LAMA2: variants seen among roughly 807,000 people sequenced by gnomAD.
LAMA2 encodes the protein laminin subunit alpha 2.
Under a neutral mutation model 364.8 loss-of-function variants are expected in LAMA2, and 269 were observed. That is an observed-to-expected ratio of 0.74 (90% CI 0.67 to 0.82). The LOEUF is 0.82. Ranked by LOEUF, LAMA2 falls within the 40% of genes least tolerant of loss-of-function variation. The pLI is 0.00. For missense variants in LAMA2, 3,807 were observed against 3,873.2 expected (o/e 0.98, Z 0.45); for synonymous variants, 1,379 against 1,370.6 (o/e 1.01, Z -0.14).
chr6:129,126,986 G>C (rs552371113), intron 4 of LAMA2, among the ~76,000 whole-genome samples: 13 of 152,318 alleles, frequency 8.5e-5, no homozygotes, highest in African/African-American at 3.1e-4. Flanking sequence ...AGGATTGCTT[G>C]AGCCTGGTAG....
At chr6:129,259,662 G>C (rs1008711099) in intron 14 of LAMA2, among the ~76,000 whole-genome samples, 2 of 152,048 alleles carry the variant, frequency 1.3e-5, no homozygotes, top group African/African-American at 4.8e-5. Flanking sequence ...AAAATGTCTA[G>C]TATTTCATAA....
At chr6:129,340,862 A>G (rs938445140) in intron 29 of LAMA2, among the ~76,000 whole-genome samples, 1 of 147,568 alleles carries the variant, frequency 6.8e-6, no homozygotes. Flanking sequence ...AGAGAAAAAG[A>G]AAAGAAAAGA....
intron 1 of LAMA2, among the ~76,000 whole-genome samples, chr6:129,041,810 A>G (rs896799229): frequency 1.3e-5 from 2 of 151,998 alleles, no homozygotes; most frequent in Admixed American, 1.3e-4. Context: ...TAAGACCAGC[A>G]TGGGCAACAT....
chr6:128,992,508 A>G (rs1783669119), intron 1 of LAMA2, among the ~76,000 whole-genome samples: 2 of 152,194 alleles, frequency 1.3e-5, no homozygotes, highest in Admixed American at 6.5e-5. Flanking sequence ...CAAACTAGAA[A>G]TGGTTTGCAA....
intron 40 of LAMA2, among the ~76,000 whole-genome samples, chr6:129,407,841 A>G (rs1189545020): frequency 6.6e-6 from 1 of 152,112 alleles, no homozygotes; most frequent in Non-Finnish European, 1.5e-5. Context: ...GAGATGCCCT[A>G]TGGGATCTCC....
intron 62 of LAMA2, among the ~76,000 whole-genome samples, chr6:129,511,297 C>G (rs373482942): frequency 2.0e-5 from 3 of 152,202 alleles, no homozygotes; most frequent in East Asian, 3.9e-4. Flanking sequence ...TGTCCTCAGC[C>G]GAACTTCCTC....
At chr6:129,276,886 T>C (rs1342701253) in intron 17 of LAMA2, among the ~76,000 whole-genome samples, 1 of 152,152 alleles carries the variant, frequency 6.6e-6, no homozygotes, top group Non-Finnish European at 1.5e-5. Flanking sequence ...TTTCTCTATG[T>C]ATGCATTCAC....
intron 16 of LAMA2, among the ~76,000 whole-genome samples, chr6:129,267,559 T>G (rs1787605406): frequency 1.3e-5 from 2 of 152,040 alleles, no homozygotes; most frequent in African/African-American, 4.8e-5. Flanking sequence ...ACTTTTAAAA[T>G]AGAAAATAAT....
At chr6:129,251,440 G>GCACATATA (rs1413319205) in intron 13 of LAMA2, among the ~76,000 whole-genome samples, 6 of 151,938 alleles carry the variant, frequency 3.9e-5, no homozygotes, top group Admixed American at 1.3e-4. Context: ...TCAATTCAAG[G>GCACATATA]TGTTTGTAAT....
intron 9 of LAMA2, among the ~76,000 whole-genome samples, chr6:129,173,681 A>T (rs915926542): frequency 1.3e-5 from 2 of 152,190 alleles, no homozygotes; most frequent in Non-Finnish European, 2.9e-5. Context: ...AATTGGACAC[A>T]TATTTGTAGG....
At chr6:129,157,469 C>T (rs1296761040) in intron 8 of LAMA2, 7 of 1,598,596 alleles carry the variant, frequency 4.4e-6, no homozygotes, top group Middle Eastern at 2.3e-4. Context: ...CCACCCATGC[C>T]ATGGGTAAAA....
At chr6:129,242,522 G>T (rs1419956708) in intron 12 of LAMA2, among the ~76,000 whole-genome samples, 1 of 151,902 alleles carries the variant, frequency 6.6e-6, no homozygotes, top group Non-Finnish European at 1.5e-5. Context: ...AAAAAATTTT[G>T]AACCCTAGTC....
chr6:129,431,126 C>T (rs147236017), intron 41 of LAMA2, among the ~76,000 whole-genome samples: 57 of 152,030 alleles, frequency 3.7e-4, no homozygotes, highest in African/African-American at 1.3e-3. Context: ...TGGCCAGGTG[C>T]GGTGGCTCGC....
intron 3 of LAMA2, among the ~76,000 whole-genome samples, chr6:129,088,564 G>C (rs1269756828): frequency 1.3e-5 from 2 of 151,168 alleles, no homozygotes; most frequent in African/African-American, 4.9e-5. Context: ...GGCTGGCAGG[G>C]TGGGGGCTGC....
chr6:129,164,891 G>T (rs1779646350), intron 8 of LAMA2, among the ~76,000 whole-genome samples: 1 of 152,222 alleles, frequency 6.6e-6, no homozygotes, highest in Non-Finnish European at 1.5e-5. Flanking sequence ...TTTGATTTTA[G>T]ATTTTTCCAC....
chr6:129,310,057 G>A (rs991014495), intron 22 of LAMA2, among the ~76,000 whole-genome samples: 54 of 151,244 alleles, frequency 3.6e-4, no homozygotes, highest in Admixed American at 1.3e-3. Context: ...CCGCTACCAC[G>A]CCCGGCTAAT....
chr6:129,255,947 A>G (rs938153154), intron 14 of LAMA2, among the ~76,000 whole-genome samples: 1 of 152,114 alleles, frequency 6.6e-6, no homozygotes, highest in African/African-American at 2.4e-5. Flanking sequence ...TTTCCTTCCC[A>G]TTATCTTTGA....
At chr6:129,098,519 T>A (rs1049993622) in intron 4 of LAMA2, 104 bp downstream of exon 4, 175 of 1,372,694 alleles carry the variant, frequency 1.3e-4, no homozygotes, top group Non-Finnish European at 1.7e-4. Flanking sequence ...GATTTTAAAA[T>A]AGGATTTAGC....
intron 60 of LAMA2, 93 bp downstream of exon 60, chr6:129,503,373 A>C (rs1298446991): frequency 1.5e-5 from 17 of 1,148,550 alleles, no homozygotes; most frequent in Non-Finnish European, 1.9e-5. Context: ...TTGCCAGGGC[A>C]GACACTGACT....
Sources: allele counts gnomAD v4.1 joint callset (sites outside exome capture counted in the v4.1 genomes callset), GRCh38; gene constraint gnomAD v4.1.1; transcripts MANE v1.5; gene names NCBI Gene and HGNC (gene_info 2026-07-23, HGNC 2026-07-21).